The following SGCD variants were observed in gnomAD, a reference collection of about 807,000 sequenced individuals.
The protein encoded by SGCD is delta-sarcoglycan.
Under a neutral mutation model 36.6 loss-of-function variants are expected in SGCD, and 18 were observed. The ratio of observed to expected loss-of-function variants is 0.49; its 90% CI spans 0.34 to 0.73. SGCD has a LOEUF of 0.73. Ranked by LOEUF, SGCD falls within the 30% of genes least tolerant of loss-of-function variation. The pLI is 0.01. For synonymous variants in SGCD, 133 were observed against 130.6 expected, an observed-to-expected ratio of 1.02 and a Z score of -0.12; for missense variants, 387 against 346.7, an observed-to-expected ratio of 1.12 and a Z score of -0.92.
At chr5:155,969,898 G>T (rs1382640310) in intron 1 of SGCD, among the ~76,000 whole-genome samples, 2 of 152,124 alleles carry the variant, frequency 1.3e-5, no homozygotes, top group East Asian at 3.9e-4. Context: ...AAAAGAGGAA[G>T]CAGAATTGGA....
chr5:156,004,475 C>A (rs1257184992), intron 1 of SGCD, among the ~76,000 whole-genome samples: 1 of 152,094 alleles, frequency 6.6e-6, no homozygotes, highest in Non-Finnish European at 1.5e-5. Context: ...TGCTAACAAC[C>A]CGTAAGGTTA....
In SGCD at chr5:156,574,921, A is replaced by G. The variant is rs535181323; in HGVS notation, c.295-14310A>G. Among the ~76,000 whole-genome samples, 6 of 152,240 alleles carry G rather than the reference A, an allele frequency of 3.9e-5. No individual in the cohort carries two copies. In the South Asian group the frequency reaches 1.2e-3, roughly 32 times the overall value. ...TCAAAATCCAAAGCAACAGGGCCTC[A>G]CTGATGGAGGGAGGAAAAATATGCA... On this transcript the variant is annotated intron_variant, in intron 4 of 8. Transcript: ENST00000337851.
At chr5:156,188,066 T>A (rs1763805255) in intron 3 of SGCD, among the ~76,000 whole-genome samples, 1 of 152,186 alleles carries the variant, frequency 6.6e-6, no homozygotes, top group Non-Finnish European at 1.5e-5. Flanking sequence ...CAGGGGGGCC[T>A]AAGAGTAAGT....
chr5:155,940,784 G>A (rs970387786), intron 1 of SGCD, among the ~76,000 whole-genome samples: 2 of 152,102 alleles, frequency 1.3e-5, no homozygotes, highest in South Asian at 2.1e-4. Flanking sequence ...GGCAGAGGTT[G>A]CAGTGAGCCA....
intron 3 of SGCD, among the ~76,000 whole-genome samples, chr5:156,468,821 G>C (rs879618178): frequency 6.6e-6 from 1 of 152,022 alleles, no homozygotes; most frequent in Non-Finnish European, 1.5e-5. Context: ...GTGAAACCCC[G>C]CCTCTACTAA....
chr5:156,712,699 C>A (rs1755045255), intron 7 of SGCD, among the ~76,000 whole-genome samples: 1 of 152,198 alleles, frequency 6.6e-6, no homozygotes, highest in Non-Finnish European at 1.5e-5. Context: ...GCGGAGCAAA[C>A]CCAGGTCTTT....
intron 3 of SGCD, among the ~76,000 whole-genome samples, chr5:156,299,893 G>A (rs896242240): frequency 4.6e-5 from 7 of 151,950 alleles, no homozygotes; most frequent in Admixed American, 6.6e-5. Flanking sequence ...AGGATAATTG[G>A]ACTTCCTTTC....
intron 3 of SGCD, among the ~76,000 whole-genome samples, chr5:156,460,528 G>A (rs1220612314): frequency 6.6e-6 from 1 of 152,182 alleles, no homozygotes; most frequent in East Asian, 1.9e-4. Flanking sequence ...CAGACAGAGA[G>A]ACCAGACAGT....
intron 2 of SGCD, among the ~76,000 whole-genome samples, chr5:156,337,626 CCTT>C (rs1768427314): frequency 6.6e-6 from 1 of 152,058 alleles, no homozygotes; most frequent in Non-Finnish European, 1.5e-5. Flanking sequence ...GAGTGGTTCA[CCTT>C]CTATTCTCTA....
chr5:155,748,287 T>C, the SGCD span, among the ~76,000 whole-genome samples: 5 of 151,998 alleles, frequency 3.3e-5, no homozygotes, highest in African/African-American at 1.2e-4. Flanking sequence ...TGCTTCTGAT[T>C]GACTCTCTCT....
chr5:155,779,683 C>T, the SGCD span, among the ~76,000 whole-genome samples: 28 of 152,026 alleles, frequency 1.8e-4, no homozygotes, highest in African/African-American at 6.8e-4. Context: ...AAATGTTAGC[C>T]TCCTGGGCCA....
chr5:156,584,027 A>T (rs954175203), intron 4 of SGCD, among the ~76,000 whole-genome samples: 6 of 152,226 alleles, frequency 3.9e-5, no homozygotes, highest in Non-Finnish European at 8.8e-5. Flanking sequence ...TTTCTTTGTG[A>T]AATCCCAAGA....
At chr5:155,791,377 C>T in the SGCD span, among the ~76,000 whole-genome samples, 15 of 152,224 alleles carry the variant, frequency 9.9e-5, no homozygotes, top group African/African-American at 1.4e-4. Context: ...ACTCTCACCA[C>T]GCTTATTCAA....
the SGCD span, among the ~76,000 whole-genome samples, chr5:155,846,000 G>C: frequency 2.6e-5 from 4 of 152,176 alleles, no homozygotes; most frequent in African/African-American, 9.7e-5. Context: ...TGAGAAGAAA[G>C]GAACTTGGGA....
the SGCD span, among the ~76,000 whole-genome samples, chr5:155,758,408 G>A: frequency 6.6e-6 from 1 of 152,116 alleles, no homozygotes; most frequent in African/African-American, 2.4e-5. Flanking sequence ...GATGATTGAA[G>A]TCATCAATAC....
At chr5:156,406,831 C>T (rs1215928857) in intron 3 of SGCD, among the ~76,000 whole-genome samples, 23 of 101,158 alleles carry the variant, frequency 2.3e-4, no homozygotes, top group African/African-American at 9.2e-4. Context: ...CACACACACA[C>T]ACACACACAC....
intron 3 of SGCD, among the ~76,000 whole-genome samples, chr5:156,492,578 A>G (rs1217067827): frequency 6.6e-6 from 1 of 152,134 alleles, no homozygotes; most frequent in Non-Finnish European, 1.5e-5. Flanking sequence ...TTTAAAAATT[A>G]TTATACTTTA....
chr5:156,181,063 A>C (rs559640260), intron 3 of SGCD, among the ~76,000 whole-genome samples: 5 of 152,220 alleles, frequency 3.3e-5, no homozygotes, highest in African/African-American at 1.2e-4. Flanking sequence ...AGTTTCTCTC[A>C]GTGCTTTGGG....
chr5:156,728,453 GTGA>G (rs1755885462), intron 7 of SGCD, among the ~76,000 whole-genome samples: 1 of 139,366 alleles, frequency 7.2e-6, no homozygotes, highest in African/African-American at 2.7e-5. Context: ...GGAGGTTGCA[GTGA>G]GCCGAGTTTG....
Sources: allele counts gnomAD v4.1 joint callset (sites outside exome capture counted in the v4.1 genomes callset), GRCh38; gene constraint gnomAD v4.1.1; transcripts MANE v1.5; gene names NCBI Gene and HGNC (gene_info 2026-07-23, HGNC 2026-07-21).